GPM6A: variants seen among roughly 807,000 people sequenced by gnomAD.
The protein encoded by GPM6A is neuronal membrane glycoprotein M6-a.
Under a neutral mutation model 32.1 loss-of-function variants are expected in GPM6A, and 7 were observed. The observed-to-expected ratio is 0.22, with a 90% CI of 0.12 to 0.41. The LOEUF is 0.41. GPM6A is among the 10% of genes least tolerant of loss of function. GPM6A has a pLI of 1.00. For synonymous variants in GPM6A, 130 were observed against 123.4 expected (o/e 1.05, Z -0.35); for missense variants, 235 against 347.2 (o/e 0.68, Z 2.57).
chr4:175,882,084 ATT>A (rs1737297731), intron 1 of GPM6A, among the ~76,000 whole-genome samples: 3 of 152,032 alleles, frequency 2.0e-5, no homozygotes, highest in Admixed American at 1.3e-4. Context: ...TTTGTTATGC[ATT>A]TGTTTGTCCA....
chr4:175,777,310 C>G (rs184447271), intron 1 of GPM6A, among the ~76,000 whole-genome samples: 2 of 152,130 alleles, frequency 1.3e-5, no homozygotes, highest in Admixed American at 1.3e-4. Flanking sequence ...AGCACTCAGC[C>G]TTTCAGAACC....
At chr4:175,725,883 T>C (rs1006035478) in intron 1 of GPM6A, among the ~76,000 whole-genome samples, 9 of 152,104 alleles carry the variant, frequency 5.9e-5, no homozygotes, top group East Asian at 1.9e-4. Flanking sequence ...CATAATTCAA[T>C]TTGACAACAT....
At chr4:175,980,325 C>A (rs935404996) in intron 1 of GPM6A, among the ~76,000 whole-genome samples, 2 of 152,132 alleles carry the variant, frequency 1.3e-5, no homozygotes, top group African/African-American at 4.8e-5. Context: ...CCACTGCACT[C>A]CACCCTGGGC....
At chr4:175,935,484 T>G (rs1739187898) in intron 1 of GPM6A, among the ~76,000 whole-genome samples, 1 of 152,154 alleles carries the variant, frequency 6.6e-6, no homozygotes, top group African/African-American at 2.4e-5. Context: ...TACTGCCACC[T>G]CTAACCCATT....
chr4:175,750,323 G>T (rs970569486), intron 1 of GPM6A, among the ~76,000 whole-genome samples: 7 of 152,120 alleles, frequency 4.6e-5, no homozygotes. Flanking sequence ...CTCTTAAAGA[G>T]TTGGGATTAC....
chr4:175,754,630 C>A (rs1360051864), intron 1 of GPM6A, among the ~76,000 whole-genome samples: 1 of 152,114 alleles, frequency 6.6e-6, no homozygotes, highest in African/African-American at 2.4e-5. Context: ...TGGTTATTTA[C>A]TTCTAAGCAC....
At chr4:175,978,020 T>C (rs1274217573) in intron 1 of GPM6A, among the ~76,000 whole-genome samples, 2 of 152,248 alleles carry the variant, frequency 1.3e-5, no homozygotes, top group African/African-American at 2.4e-5. Context: ...AAAGTAAATA[T>C]GTATTGTTAC....
At chr4:175,718,618 A>G (rs545879518) in intron 1 of GPM6A, among the ~76,000 whole-genome samples, 10 of 152,158 alleles carry the variant, frequency 6.6e-5, no homozygotes, top group South Asian at 2.1e-4. Flanking sequence ...TCTGTCGAAA[A>G]AAAAATATAA....
chr4:175,786,296 G>GTTTTTTTTT (rs368629281), intron 1 of GPM6A, among the ~76,000 whole-genome samples: 1 of 141,816 alleles, frequency 7.1e-6, no homozygotes, highest in African/African-American at 2.6e-5. Context: ...TTTTTGTTTT[G>GTTTTTTTTT]TTTTTTTTTT....
chr4:175,784,850 T>C (rs1733737773), intron 1 of GPM6A, among the ~76,000 whole-genome samples: 1 of 152,194 alleles, frequency 6.6e-6, no homozygotes, highest in Non-Finnish European at 1.5e-5. Context: ...GTACTAGTAC[T>C]GGCCATTGCA....
At position 176,001,895 on chromosome 4, in the gene GPM6A, A is replaced by G. The variant is rs1741493229; in HGVS notation, c.-23+414T>C. Among the ~76,000 whole-genome samples the G allele has an allele frequency of 3.3e-5, 5 of 152,298 alleles. No homozygotes were observed. The South Asian group carries it at 1.0e-3, about 32-fold the overall frequency. On this transcript the variant is annotated intron_variant, in intron 1 of 7. Coordinates refer to the GPM6A transcript ENST00000280187. ...CCCAAAGAGAACATGAAAACGTGGGAACTCGGGAGGACAGAGATCTCCCTG... is the reference window on the plus strand; with the variant it reads ...CCCAAAGAGAACATGAAAACGTGGGGACTCGGGAGGACAGAGATCTCCCTG...
intron 4 of GPM6A, chr4:175,641,700 T>A (rs972052002): frequency 1.3e-5 from 2 of 152,284 alleles, no homozygotes; most frequent in African/African-American, 4.8e-5. Flanking sequence ...GTTTGTTTTG[T>A]TTTGTTTGAG....
At chr4:175,755,133 C>A (rs1052595364) in intron 1 of GPM6A, among the ~76,000 whole-genome samples, 1 of 152,038 alleles carries the variant, frequency 6.6e-6, no homozygotes, top group Non-Finnish European at 1.5e-5. Flanking sequence ...CACTTTCACA[C>A]TTGTATCATA....
intron 1 of GPM6A, among the ~76,000 whole-genome samples, chr4:175,935,376 T>C (rs1449124545): frequency 6.6e-6 from 1 of 152,132 alleles, no homozygotes; most frequent in Non-Finnish European, 1.5e-5. Context: ...TTTAAGGAAA[T>C]TTACAGCAGC....
chr4:175,799,402 T>G (rs1380995861), intron 1 of GPM6A, among the ~76,000 whole-genome samples: 1 of 152,130 alleles, frequency 6.6e-6, no homozygotes, highest in Non-Finnish European at 1.5e-5. Flanking sequence ...GCTCATAGTT[T>G]TTAATGTTCC....
chr4:176,002,186 G>A (rs1561030623), intron 1 of GPM6A: 9 of 1,099,916 alleles, frequency 8.2e-6, no homozygotes, highest in Admixed American at 2.0e-5. Context: ...GACGCCAGGC[G>A]CGGGGGGAAC....
At chr4:175,683,689 C>T (rs762676268) in intron 2 of GPM6A, among the ~76,000 whole-genome samples, 32 of 152,212 alleles carry the variant, frequency 2.1e-4, no homozygotes, top group African/African-American at 7.7e-4. Flanking sequence ...CCCTCTCTTG[C>T]TCCTGCTCTG....
chr4:175,639,073 T>A (rs1403370510), intron 6 of GPM6A, among the ~76,000 whole-genome samples: 1 of 152,132 alleles, frequency 6.6e-6, no homozygotes, highest in African/African-American at 2.4e-5. Flanking sequence ...GGTCACTGTA[T>A]CAAAAATGTT....
chr4:175,712,727 A>AG (rs1476798993), intron 1 of GPM6A, among the ~76,000 whole-genome samples: 2 of 152,192 alleles, frequency 1.3e-5, no homozygotes, highest in Non-Finnish European at 2.9e-5. Context: ...TGCCTATGCT[A>AG]GCAGCATGGG....
Sources: allele counts gnomAD v4.1 joint callset (sites outside exome capture counted in the v4.1 genomes callset), GRCh38; gene constraint gnomAD v4.1.1; transcripts MANE v1.5; gene names NCBI Gene and HGNC (gene_info 2026-07-23, HGNC 2026-07-21).